CLNK: variants seen among roughly 807,000 people sequenced by gnomAD.
The protein encoded by CLNK is cytokine dependent hematopoietic cell linker.
Under a neutral mutation model 68.6 loss-of-function variants are expected in CLNK, and 74 were observed. The ratio of observed to expected loss-of-function variants is 1.08; its 90% CI spans 0.89 to 1.31. The LOEUF is 1.31. CLNK is among the 50% of genes most tolerant of loss of function. The pLI is 0.00. For missense variants in CLNK, 553 were observed against 515.3 expected, an observed-to-expected ratio of 1.07 and a Z score of -0.71; for synonymous variants, 198 against 172.2, an observed-to-expected ratio of 1.15 and a Z score of -1.17.
intron 2 of CLNK, among the ~76,000 whole-genome samples, chr4:10,626,922 C>A (rs1293203686): frequency 6.6e-6 from 1 of 152,178 alleles, no homozygotes; most frequent in African/African-American, 2.4e-5. Context: ...AGTTTCTTCA[C>A]CTGTAAAACA....
At chr4:10,726,560 C>T in the CLNK span, among the ~76,000 whole-genome samples, 8 of 151,400 alleles carry the variant, frequency 5.3e-5, no homozygotes, top group East Asian at 1.6e-3. Flanking sequence ...GGTTACACTC[C>T]TAGGTCCTGG....
At chr4:10,691,771 T>G in the CLNK span, among the ~76,000 whole-genome samples, 1 of 152,166 alleles carries the variant, frequency 6.6e-6, no homozygotes, top group African/African-American at 2.4e-5. Context: ...CCATCTGTCC[T>G]CAAACTGGTT....
At chr4:10,697,411 C>T in the CLNK span, 1 of 152,192 alleles carries the variant, frequency 6.6e-6, no homozygotes, top group Admixed American at 6.5e-5. Flanking sequence ...ATGAGGAAGA[C>T]TCTGCTGGAA....
chr4:10,506,495 A>G (rs1211044476), intron 17 of CLNK, among the ~76,000 whole-genome samples: 1 of 152,170 alleles, frequency 6.6e-6, no homozygotes, highest in Non-Finnish European at 1.5e-5. Context: ...ATAACCTACC[A>G]TATCCTGACT....
At chr4:10,628,557 T>C (rs1252684339) in intron 2 of CLNK, among the ~76,000 whole-genome samples, 1 of 152,160 alleles carries the variant, frequency 6.6e-6, no homozygotes, top group African/African-American at 2.4e-5. Context: ...GAGCAGAAGA[T>C]GAAAGCTGGA....
chr4:10,668,952 T>A (rs1251151897), intron 1 of CLNK, among the ~76,000 whole-genome samples: 1 of 152,012 alleles, frequency 6.6e-6, no homozygotes, highest in East Asian at 1.9e-4. Context: ...AGGAATAGGG[T>A]AGAGAGTGGG....
At chr4:10,678,042 G>T (rs1355108108) in intron 1 of CLNK, among the ~76,000 whole-genome samples, 1 of 152,026 alleles carries the variant, frequency 6.6e-6, no homozygotes, top group Non-Finnish European at 1.5e-5. Context: ...ATCCAGATGA[G>T]ATCATCATTT....
chr4:10,701,444 C>T, the CLNK span, among the ~76,000 whole-genome samples: 1 of 152,326 alleles, frequency 6.6e-6, no homozygotes, highest in Admixed American at 6.5e-5. Flanking sequence ...ATTCCTAGCC[C>T]TTGCCATGTC....
the CLNK span, among the ~76,000 whole-genome samples, chr4:10,699,734 G>C: frequency 4.0e-5 from 6 of 151,006 alleles, no homozygotes; most frequent in Non-Finnish European, 7.4e-5. Context: ...GGCTGCTCTT[G>C]AACTCCTGAC....
chr4:10,568,128 A>C (rs1263884422), intron 5 of CLNK, among the ~76,000 whole-genome samples: 1 of 152,224 alleles, frequency 6.6e-6, no homozygotes, highest in Non-Finnish European at 1.5e-5. Flanking sequence ...AGTGGAAATA[A>C]CCCAAGTATC....
the CLNK span, among the ~76,000 whole-genome samples, chr4:10,716,325 T>A: frequency 3.3e-5 from 5 of 152,182 alleles, no homozygotes; most frequent in African/African-American, 1.2e-4. Flanking sequence ...ATGTAAGCAA[T>A]TTAATATTTC....
chr4:10,694,513 A>G, the CLNK span, among the ~76,000 whole-genome samples: 1 of 152,164 alleles, frequency 6.6e-6, no homozygotes, highest in Admixed American at 6.6e-5. Flanking sequence ...GAATACTATT[A>G]TGTTGTGATT....
At chr4:10,655,340 G>GAGAGAGAT in intron 2 of CLNK, among the ~76,000 whole-genome samples, 1 of 51,106 alleles carries the variant, frequency 2.0e-5, no homozygotes, top group African/African-American at 4.9e-5. Flanking sequence ...AAGACAGAGA[G>GAGAGAGAT]AGAGAGAGAG....
At chr4:10,513,830 TA>T (rs1466242707) in intron 15 of CLNK, among the ~76,000 whole-genome samples, 1 of 147,310 alleles carries the variant, frequency 6.8e-6, no homozygotes. Flanking sequence ...TTTTTTTTTT[TA>T]AATTATTATT....
the CLNK span, among the ~76,000 whole-genome samples, chr4:10,725,872 G>C: frequency 6.6e-6 from 1 of 151,684 alleles, no homozygotes; most frequent in Non-Finnish European, 1.5e-5. Context: ...AAAGAAAAAA[G>C]AAAAAACGTT....
the CLNK span, among the ~76,000 whole-genome samples, chr4:10,699,278 C>CA: frequency 9.9e-6 from 1 of 101,080 alleles, no homozygotes; most frequent in African/African-American, 4.0e-5. Context: ...CACACACACA[C>CA]CACATACGTG....
At chr4:10,636,323 C>T (rs28419640) in intron 2 of CLNK, among the ~76,000 whole-genome samples, 48,550 of 151,902 alleles carry the variant, frequency 0.32, 8,787 homozygotes, top group African/African-American at 0.49. Flanking sequence ...AGGGAACACA[C>T]GTGAAGACAC....
intron 8 of CLNK, among the ~76,000 whole-genome samples, chr4:10,551,911 G>C (rs924712049): frequency 6.7e-6 from 1 of 150,176 alleles, no homozygotes; most frequent in Non-Finnish European, 1.5e-5. Flanking sequence ...GTAGGGGCAT[G>C]ATGTCGTCTC....
intron 2 of CLNK, among the ~76,000 whole-genome samples, chr4:10,641,452 C>T (rs1159039116): frequency 6.6e-6 from 1 of 152,166 alleles, no homozygotes; most frequent in African/African-American, 2.4e-5. Flanking sequence ...AAAATACTCT[C>T]ACTCCAGTGG....
Sources: gnomAD v4.1 joint callset for allele counts (sites outside exome capture counted in the v4.1 genomes callset) on GRCh38, gnomAD v4.1.1 for gene constraint, MANE v1.5 for transcripts, NCBI Gene and HGNC (gene_info 2026-07-23, HGNC 2026-07-21) for gene names.